NEDD9: variants seen among roughly 807,000 people sequenced by gnomAD.
NEDD9 encodes the protein enhancer of filamentation 1.
In NEDD9, 26 loss-of-function variants were observed where a neutral mutation model predicts 76.6. That is an observed-to-expected ratio of 0.34 (90% CI 0.25 to 0.47). The LOEUF is 0.47. Among genes scored for constraint, NEDD9 ranks in the 20% least tolerant of loss-of-function variants. The pLI is 1.00. For synonymous variants in NEDD9, 392 were observed against 414.2 expected (o/e 0.95, Z 0.65); for missense variants, 937 against 1,058.5 (o/e 0.89, Z 1.59).
chr6:11,323,675 C>T (rs563821644), intron 2 of NEDD9, among the ~76,000 whole-genome samples: 1 of 152,210 alleles, frequency 6.6e-6, no homozygotes, highest in African/African-American at 2.4e-5. Context: ...AAACACTGCT[C>T]TAAGCTAATG....
intron 1 of NEDD9, among the ~76,000 whole-genome samples, chr6:11,228,734 G>T (rs184222959): frequency 2.0e-4 from 31 of 152,206 alleles, no homozygotes; most frequent in African/African-American, 7.2e-4. Flanking sequence ...TACTCTAAAG[G>T]CTTTTATCTC....
At chr6:11,231,827 ACT>A (rs200206115) in intron 1 of NEDD9, among the ~76,000 whole-genome samples, 3 of 152,160 alleles carry the variant, frequency 2.0e-5, no homozygotes, top group East Asian at 3.9e-4. Flanking sequence ...TGACTATGAC[ACT>A]CTGTAAGCTT....
At chr6:11,381,110 G>A (rs866301715) in intron 1 of NEDD9, among the ~76,000 whole-genome samples, 6 of 152,172 alleles carry the variant, frequency 3.9e-5, no homozygotes, top group Admixed American at 2.0e-4. Context: ...TCCACTTTCC[G>A]CATTCTTAGA....
chr6:11,373,137 G>A (rs887292937), intron 1 of NEDD9, among the ~76,000 whole-genome samples: 1 of 146,156 alleles, frequency 6.8e-6, no homozygotes, highest in South Asian at 2.2e-4. Flanking sequence ...TCCTTGAACT[G>A]TTTTGCCATA....
chr6:11,258,500 A>G (rs1199537241), intron 3 of NEDD9: 2 of 151,942 alleles, frequency 1.3e-5, no homozygotes, highest in Admixed American at 6.6e-5. Context: ...TCACTCAGCT[A>G]TTGGTCTGAA....
chr6:11,264,400 G>A (rs1466978948), intron 3 of NEDD9, among the ~76,000 whole-genome samples: 1 of 152,070 alleles, frequency 6.6e-6, no homozygotes, highest in Non-Finnish European at 1.5e-5. Context: ...CAGGGATAGT[G>A]GAGTGGTGTC....
intron 1 of NEDD9, among the ~76,000 whole-genome samples, chr6:11,341,448 T>G (rs986867960): frequency 6.6e-6 from 1 of 152,160 alleles, no homozygotes; most frequent in Non-Finnish European, 1.5e-5. Context: ...CCTCCCTCAG[T>G]CCACGGCTGA....
chr6:11,340,991 G>A (rs941845510), intron 1 of NEDD9, among the ~76,000 whole-genome samples: 4 of 152,010 alleles, frequency 2.6e-5, no homozygotes, highest in Admixed American at 1.3e-4. Flanking sequence ...CCTCCCTACC[G>A]TTCTAAGTCA....
At chr6:11,187,175 G>A (rs562085076) in intron 6 of NEDD9, among the ~76,000 whole-genome samples, 4 of 152,260 alleles carry the variant, frequency 2.6e-5, no homozygotes, top group East Asian at 1.9e-4. Context: ...ACTGAAGCTC[G>A]GGGAGGTTAC....
intron 1 of NEDD9, among the ~76,000 whole-genome samples, chr6:11,356,588 A>G (rs950937516): frequency 1.6e-4 from 24 of 152,232 alleles, no homozygotes; most frequent in Admixed American, 5.2e-4. Context: ...CTGTTTCAGT[A>G]AGGCTGGGCG....
intron 1 of NEDD9, 151 bp downstream of exon 1, chr6:11,232,353 C>G: frequency 1.1e-6 from 1 of 891,626 alleles, no homozygotes; most frequent in Non-Finnish European, 1.8e-6. Flanking sequence ...GCTTGCTTGT[C>G]TGCTTGCATG....
chr6:11,190,003 C>G lies in NEDD9; in HGVS notation c.1866G>C (p.Glu622Asp). The change falls in exon 5 of 7, where the codon GAG becomes GAC. Residue 622 changes from glutamate (E) to aspartate (D), a missense_variant. Transcript: ENST00000379446. This position sits in a 1 kb window ranked among gnomAD's most constrained non-coding sequence, Gnocchi z 5.8. ...AATCGTAGTCATCCATCCAGCTCCT[C>G]TCAGAACCATCACTGCTGCTACAGT... ...APDCSSSDGS[E>D]RSWMDDYDYV... 25 of 1,528,952 alleles carry G rather than the reference C, an allele frequency of 1.6e-5. No individual in the cohort carries two copies. Among genetic ancestry groups the G allele is most frequent in the Non-Finnish European group, 2.2e-5 (25 of 1,140,696 alleles). The allele number at this position is 1,528,952 out of a possible 1,614,324, so 94.7% of individuals were successfully genotyped here.
chr6:11,303,939 A>G (rs538579530), intron 3 of NEDD9, among the ~76,000 whole-genome samples: 1 of 152,370 alleles, frequency 6.6e-6, no homozygotes, highest in East Asian at 1.9e-4. Flanking sequence ...AATGGCAACA[A>G]AAGCCAAAAT....
At chr6:11,315,628 T>C (rs148046950) in intron 2 of NEDD9, among the ~76,000 whole-genome samples, 1 of 152,308 alleles carries the variant, frequency 6.6e-6, no homozygotes, top group Non-Finnish European at 1.5e-5. Context: ...TGTTGGTGTA[T>C]AGCTTTGCAA....
chr6:11,192,848 G>A (rs887060304), intron 3 of NEDD9, among the ~76,000 whole-genome samples: 1 of 134,406 alleles, frequency 7.4e-6, no homozygotes, highest in African/African-American at 2.8e-5. Context: ...CAGGAGAATC[G>A]CCTGAACCCG....
intron 1 of NEDD9, among the ~76,000 whole-genome samples, chr6:11,379,855 TG>T (rs1384277926): frequency 6.6e-6 from 1 of 152,240 alleles, no homozygotes; most frequent in Non-Finnish European, 1.5e-5. Flanking sequence ...TCAGGTTCAA[TG>T]TGATTTCATG....
intron 3 of NEDD9, among the ~76,000 whole-genome samples, chr6:11,279,938 T>G (rs1488380201): frequency 6.6e-6 from 1 of 152,140 alleles, no homozygotes; most frequent in Non-Finnish European, 1.5e-5. Flanking sequence ...AGAAACATCG[T>G]GGGTGGCTCC....
At chr6:11,212,327 T>C (rs1289205223) in intron 2 of NEDD9, among the ~76,000 whole-genome samples, 1 of 152,244 alleles carries the variant, frequency 6.6e-6, no homozygotes, top group East Asian at 1.9e-4. Context: ...CACATAAGCA[T>C]CACCTTGGTT....
At chr6:11,367,595 C>T (rs1241891926) in intron 1 of NEDD9, among the ~76,000 whole-genome samples, 2 of 152,220 alleles carry the variant, frequency 1.3e-5, no homozygotes, top group Non-Finnish European at 2.9e-5. Flanking sequence ...TTCACACATC[C>T]TGTGCTTTCT....
Sources: gnomAD v4.1 joint callset for allele counts (sites outside exome capture counted in the v4.1 genomes callset) on GRCh38, gnomAD v4.1.1 for gene constraint, Gnocchi (gnomAD v3.1) non-coding constraint, MANE v1.5 for transcripts, NCBI Gene and HGNC (gene_info 2026-07-23, HGNC 2026-07-21) for gene names.